RAB2A: variants seen among roughly 807,000 people sequenced by gnomAD.
RAB2A encodes ras-related protein Rab-2A.
RAB2A carries 7 observed loss-of-function variants against 32.5 expected under a neutral mutation model. The ratio of observed to expected loss-of-function variants is 0.22; its 90% CI spans 0.12 to 0.40. The LOEUF (loss-of-function observed/expected upper bound fraction) is 0.40. Ranked by LOEUF, RAB2A falls within the 10% of genes least tolerant of loss-of-function variation. The pLI, the probability that RAB2A is intolerant of heterozygous loss-of-function variation, is 1.00. For missense variants in RAB2A, 108 were observed against 260.7 expected (o/e 0.41, Z 4.03); for synonymous variants, 79 against 85.2 (o/e 0.93, Z 0.40).
intron 1 of RAB2A, among the ~76,000 whole-genome samples, chr8:60,557,994 G>A (rs895510992): frequency 6.6e-6 from 1 of 152,136 alleles, no homozygotes; most frequent in African/African-American, 2.4e-5. Context: ...TAGACTGTAA[G>A]CTCTGTACAC....
At chr8:60,550,167 C>T (rs976664041) in intron 1 of RAB2A, among the ~76,000 whole-genome samples, 3 of 152,218 alleles carry the variant, frequency 2.0e-5, no homozygotes, top group African/African-American at 7.2e-5. Context: ...TCAATCTGCT[C>T]TACCTACATC....
intron 1 of RAB2A, among the ~76,000 whole-genome samples, chr8:60,529,453 C>T (rs760186655): frequency 7.9e-5 from 12 of 152,252 alleles, no homozygotes; most frequent in Admixed American, 2.0e-4. Context: ...CTCCCCTCCC[C>T]GCGTGAATTT....
At chr8:60,529,012 AGATCTT>A (rs1321307267) in intron 1 of RAB2A, among the ~76,000 whole-genome samples, 1 of 152,204 alleles carries the variant, frequency 6.6e-6, no homozygotes, top group African/African-American at 2.4e-5. Context: ...ACAGTGTAAC[AGATCTT>A]GGGCAATTGG....
chr8:60,616,286 T>G (rs1408060262), intron 6 of RAB2A, among the ~76,000 whole-genome samples: 1 of 152,234 alleles, frequency 6.6e-6, no homozygotes, highest in Non-Finnish European at 1.5e-5. Context: ...AAGGCAATTT[T>G]TATGCAAATT....
chr8:60,573,653 C>T (rs1808228245), intron 3 of RAB2A, among the ~76,000 whole-genome samples: 1 of 152,208 alleles, frequency 6.6e-6, no homozygotes, highest in East Asian at 1.9e-4. Context: ...TTTACATTCT[C>T]TCAGGCAGCA....
chr8:60,526,554 C>T (rs1249212801), intron 1 of RAB2A, among the ~76,000 whole-genome samples: 1 of 152,138 alleles, frequency 6.6e-6, no homozygotes, highest in Non-Finnish European at 1.5e-5. Flanking sequence ...CTACAAAATC[C>T]CCTTTGCCAT....
intron 6 of RAB2A, among the ~76,000 whole-genome samples, chr8:60,592,814 T>C (rs540066500): frequency 9.2e-5 from 14 of 152,326 alleles, no homozygotes; most frequent in Admixed American, 7.8e-4. Context: ...TATACTGTTA[T>C]TTTATAAAAA....
intron 6 of RAB2A, among the ~76,000 whole-genome samples, chr8:60,599,059 A>G (rs146371442): frequency 6.6e-5 from 10 of 152,162 alleles, no homozygotes; most frequent in Non-Finnish European, 1.3e-4. Context: ...GGGATTTGCA[A>G]CAAAAAAAAG....
At chr8:60,620,526 ATT>A in intron 7 of RAB2A, 146 bp from the exon 8 acceptor site, 1 of 630,078 alleles carries the variant, frequency 1.6e-6, no homozygotes. Context: ...CTTAGGAGAT[ATT>A]GTTTTAATTG....
At chr8:60,524,064 G>A (rs1563457654) in intron 1 of RAB2A, among the ~76,000 whole-genome samples, 3 of 151,984 alleles carry the variant, frequency 2.0e-5, no homozygotes, top group Admixed American at 2.0e-4. Context: ...TTTATACCGT[G>A]CCTGAGACTT....
chr8:60,596,324 T>C (rs1804023094), intron 6 of RAB2A, among the ~76,000 whole-genome samples: 1 of 152,178 alleles, frequency 6.6e-6, no homozygotes, highest in African/African-American at 2.4e-5. Flanking sequence ...GAAGAACTTC[T>C]GCACACCAAA....
chr8:60,561,219 G>A (rs950262200), intron 2 of RAB2A, among the ~76,000 whole-genome samples: 1 of 152,104 alleles, frequency 6.6e-6, no homozygotes, highest in African/African-American at 2.4e-5. Context: ...GCTCTTTACT[G>A]TAACCAAGTC....
intron 1 of RAB2A, among the ~76,000 whole-genome samples, chr8:60,532,450 T>C (rs1473047271): frequency 1.3e-5 from 2 of 152,234 alleles, no homozygotes; most frequent in Admixed American, 6.5e-5. Context: ...AAGGTATTTG[T>C]TATACTTGCT....
At chr8:60,553,192 T>G (rs978688480) in intron 1 of RAB2A, among the ~76,000 whole-genome samples, 1 of 152,162 alleles carries the variant, frequency 6.6e-6, no homozygotes, top group African/African-American at 2.4e-5. Context: ...GAGTTGAAAT[T>G]GAAATTGATT....
chr8:60,543,038 A>G (rs780513205), intron 1 of RAB2A, among the ~76,000 whole-genome samples: 6 of 152,232 alleles, frequency 3.9e-5, no homozygotes, highest in South Asian at 2.1e-4. Context: ...ACACCACTCA[A>G]TATTTCTTGT....
chr8:60,594,648 A>G (rs1270255768), intron 6 of RAB2A, among the ~76,000 whole-genome samples: 6 of 151,956 alleles, frequency 3.9e-5, no homozygotes, highest in East Asian at 1.9e-4. Flanking sequence ...TCAACCCCCA[A>G]CAGGCCCCGG....
intron 3 of RAB2A, among the ~76,000 whole-genome samples, chr8:60,581,555 G>T (rs1803751180): frequency 6.6e-6 from 1 of 152,150 alleles, no homozygotes. Context: ...TGAAACCTTA[G>T]AAAGCAAAAC....
At chr8:60,588,843 A>G (rs985909649) in intron 5 of RAB2A, among the ~76,000 whole-genome samples, 5 of 152,208 alleles carry the variant, frequency 3.3e-5, no homozygotes, top group Non-Finnish European at 4.4e-5. Context: ...TACTGTATAG[A>G]TTTTAGAGTG....
chr8:60,534,106 T>C (rs948377552), intron 1 of RAB2A, among the ~76,000 whole-genome samples: 1 of 152,106 alleles, frequency 6.6e-6, no homozygotes, highest in Non-Finnish European at 1.5e-5. Context: ...GAAAATGTAA[T>C]AAAAATATGT....
Sources: allele counts gnomAD v4.1 joint callset (sites outside exome capture counted in the v4.1 genomes callset), GRCh38; gene constraint gnomAD v4.1.1; transcripts MANE v1.5; gene names NCBI Gene and HGNC (gene_info 2026-07-23, HGNC 2026-07-21).